ADAM32: variants seen among roughly 807,000 people sequenced by gnomAD.
ADAM32 encodes disintegrin and metalloproteinase domain-containing protein 32.
Under a neutral mutation model 114.9 loss-of-function variants are expected in ADAM32, and 89 were observed. The observed-to-expected ratio is 0.77, with a 90% CI of 0.65 to 0.92. The LOEUF is 0.92. Ranked by LOEUF, ADAM32 falls within the 40% of genes least tolerant of loss-of-function variation. The probability of loss-of-function intolerance (pLI) is 0.00; values close to 1 mark genes in which losing one functional copy is unlikely to be tolerated. For synonymous variants in ADAM32, 285 were observed against 307.5 expected (o/e 0.93, Z 0.77); for missense variants, 870 against 932.8 (o/e 0.93, Z 0.88).
chr8:39,177,383 ATGTG>A (rs1805595565), intron 10 of ADAM32, among the ~76,000 whole-genome samples: 5 of 152,090 alleles, frequency 3.3e-5, no homozygotes, highest in Admixed American at 3.3e-4. Flanking sequence ...TTTTGAGCCT[ATGTG>A]TCTTTGCATG....
intron 19 of ADAM32, among the ~76,000 whole-genome samples, chr8:39,262,967 C>A (rs1812138885): frequency 1.3e-5 from 2 of 152,110 alleles, no homozygotes; most frequent in Non-Finnish European, 2.9e-5. Context: ...CTTGGCTTTG[C>A]AAAGTGCTGG....
intron 22 of ADAM32, among the ~76,000 whole-genome samples, chr8:39,280,260 C>T (rs1813342646): frequency 6.6e-6 from 1 of 151,380 alleles, no homozygotes; most frequent in African/African-American, 2.5e-5. Flanking sequence ...CTCTTGTTTT[C>T]CCTCTGAGCT....
At chr8:39,108,330 T>C (rs545737483) in intron 1 of ADAM32, 1 of 152,144 alleles carries the variant, frequency 6.6e-6, no homozygotes, top group South Asian at 2.1e-4. Flanking sequence ...GTCCCTTCTG[T>C]CGCCCAGGCT....
chr8:39,280,984 G>A (rs1459836942), intron 22 of ADAM32, among the ~76,000 whole-genome samples, 152 bp from the exon 23 acceptor site: 2 of 151,598 alleles, frequency 1.3e-5, no homozygotes, highest in East Asian at 1.9e-4. Flanking sequence ...GGGTTTCATC[G>A]TATTAGCCAG....
rs115685280 is a variant in ADAM32, at chr8:39,196,681, A to G, written c.1052+9636A>G. On this transcript the variant is annotated intron_variant, in intron 11 of 24. Transcript: ENST00000379907. ...AACCATCCTTGCAATCTTGGTATAAATCATACTTGATCATTATATAATATA... is the reference window on the plus strand; with the variant it reads ...AACCATCCTTGCAATCTTGGTATAAGTCATACTTGATCATTATATAATATA... Among the ~76,000 whole-genome samples, 822 of 152,226 alleles carry G rather than the reference A, an allele frequency of 5.4e-3. 11 individuals are homozygous for G. Among genetic ancestry groups the G allele is most frequent in the African/African-American group, 0.019 (787 of 41,548 alleles).
At chr8:39,243,816 T>C (rs1473500416) in intron 16 of ADAM32, among the ~76,000 whole-genome samples, 1 of 152,006 alleles carries the variant, frequency 6.6e-6, no homozygotes. Context: ...AGAAAGAGTA[T>C]TCAAATTGAT....
At chr8:39,159,368 T>C (rs1196223101) in intron 6 of ADAM32, among the ~76,000 whole-genome samples, 5 of 152,246 alleles carry the variant, frequency 3.3e-5, no homozygotes, top group African/African-American at 7.2e-5. Context: ...GCAACACTTA[T>C]TCCAGATGTT....
At chr8:39,235,834 A>G (rs2129449545) in intron 16 of ADAM32, among the ~76,000 whole-genome samples, 1 of 152,320 alleles carries the variant, frequency 6.6e-6, no homozygotes, top group South Asian at 2.1e-4. Flanking sequence ...GACTCAACAT[A>G]TTAAAAGTTT....
chr8:39,224,487 C>G (rs928487243), intron 14 of ADAM32, among the ~76,000 whole-genome samples: 27 of 152,088 alleles, frequency 1.8e-4, no homozygotes, highest in Non-Finnish European at 2.9e-5. Flanking sequence ...GAAGTGGTAT[C>G]TCATTGTGGT....
At chr8:39,191,565 C>G (rs1325367469) in intron 11 of ADAM32, among the ~76,000 whole-genome samples, 1 of 151,840 alleles carries the variant, frequency 6.6e-6, no homozygotes, top group Non-Finnish European at 1.5e-5. Context: ...TAAAAAGTGC[C>G]TATTCATGTC....
Position 39,186,841 on chromosome 8 carries a change from T to C in ADAM32, c.916-68T>C, listed in dbSNP as rs149863688. 3.3e-5 allele frequency: 42 copies of C among 1,288,448 alleles called. 1 individual carries two copies. The African/African-American group carries it at 4.6e-4, about 14-fold the overall frequency. The allele number at this position is 1,288,448 out of a possible 1,614,324, so 79.8% of individuals were successfully genotyped here. On this transcript the variant is annotated intron_variant, in intron 10 of 24. Transcript: ENST00000379907. Reference sequence around the variant, plus strand: ...GATAAAATAATAAAATATTCATAATTAGAAAATTATTTTTACCACCCTTTA... The same window carrying C: ...GATAAAATAATAAAATATTCATAATCAGAAAATTATTTTTACCACCCTTTA...
chr8:39,276,575 C>A (rs1813086196), intron 22 of ADAM32, among the ~76,000 whole-genome samples: 1 of 152,154 alleles, frequency 6.6e-6, no homozygotes, highest in South Asian at 2.1e-4. Flanking sequence ...CACTGCTGTT[C>A]CCAAACACAT....
chr8:39,225,092 T>G (rs1324846241), intron 14 of ADAM32, among the ~76,000 whole-genome samples: 1 of 152,168 alleles, frequency 6.6e-6, no homozygotes, highest in East Asian at 1.9e-4. Flanking sequence ...GATCCAAATG[T>G]GCCTTTCCTC....
intron 16 of ADAM32, among the ~76,000 whole-genome samples, chr8:39,235,943 CAT>C (rs1157188125): frequency 6.6e-6 from 1 of 152,150 alleles, no homozygotes; most frequent in Non-Finnish European, 1.5e-5. Context: ...ATGATTTTCA[CAT>C]ATGTCATCTC....
At chr8:39,275,796 C>G (rs377287128) in intron 21 of ADAM32, 32 bp from the exon 22 acceptor site, 6 of 1,540,832 alleles carry the variant, frequency 3.9e-6, no homozygotes, top group Middle Eastern at 3.4e-4. Flanking sequence ...TAAGTATTAA[C>G]GTGGAAGCAT....
At position 39,221,692 on chromosome 8, in the gene ADAM32, A is replaced by G. The variant is rs369153366; in HGVS notation, c.1316A>G (p.Lys439Arg). The change falls in exon 13 of 25, where the codon AAA becomes AGA. Residue 439 changes from lysine (K) to arginine (R), a missense_variant. Physicochemically the swap from Lys to Arg is conservative, Grantham distance 26. Coordinates refer to ENST00000379907, the MANE Select transcript of ADAM32 (RefSeq NM_145004.7). The part of the protein sequence containing the change: ...GAKCYKGLCC[K>R]DCQILQSGVE... Reference sequence around the variant, plus strand: ...AAATGTTATAAAGGACTGTGCTGCAAAGACTGTCAAGTAAGATTTAAGCTT... The same window carrying G: ...AAATGTTATAAAGGACTGTGCTGCAGAGACTGTCAAGTAAGATTTAAGCTT... 3.7e-6 allele frequency: 6 copies of G among 1,609,462 alleles called. No individual in the cohort carries two copies. In the East Asian group the frequency reaches 6.7e-5, roughly 18 times the overall value.
At chr8:39,147,725 T>A (rs1216797048) in intron 4 of ADAM32, among the ~76,000 whole-genome samples, 2 of 152,106 alleles carry the variant, frequency 1.3e-5, no homozygotes, top group African/African-American at 4.8e-5. Context: ...CTGAATAATC[T>A]CCCTGCTTCC....
chr8:39,159,478 C>A (rs949155229), intron 6 of ADAM32, among the ~76,000 whole-genome samples: 2 of 152,162 alleles, frequency 1.3e-5, no homozygotes, highest in African/African-American at 2.4e-5. Flanking sequence ...GAGCAAGTGT[C>A]CAGCCTTGGA....
chr8:39,108,142 C>T lies in ADAM32; in HGVS notation c.58+309C>T, dbSNP rs956178416. 6 of 277,176 alleles carry T rather than the reference C, an allele frequency of 2.2e-5. 1 individual carries two copies. In the South Asian group the frequency reaches 3.7e-4, roughly 17 times the overall value. 17.2% of individuals were successfully genotyped at this position (277,176 alleles called of 1,614,324 possible). ...TACAAAAAAATTTAAAAAAATGTTC[C>T]GAGGTGGTGGTGCGCACCTGTGATC... On this transcript the variant is annotated intron_variant, in intron 1 of 24. Coordinates refer to ENST00000379907, the MANE Select transcript of ADAM32 (RefSeq NM_145004.7).
Sources: gnomAD v4.1 joint callset for allele counts (sites outside exome capture counted in the v4.1 genomes callset) on GRCh38, gnomAD v4.1.1 for gene constraint, MANE v1.5 for transcripts, NCBI Gene and HGNC (gene_info 2026-07-23, HGNC 2026-07-21) for gene names.